Variants in AHNAK observed in about 807,000 individuals in gnomAD.
AHNAK encodes AHNAK nucleoprotein, also known as neuroblast differentiation-associated protein AHNAK.
Under a neutral mutation model 37.8 loss-of-function variants are expected in AHNAK, and 23 were observed. The ratio of observed to expected loss-of-function variants is 0.61; its 90% CI spans 0.44 to 0.86. The LOEUF is 0.86. Among genes scored for constraint, AHNAK ranks in the 40% least tolerant of loss-of-function variants. The pLI is 0.00. For synonymous variants in AHNAK, 2,481 were observed against 2,636.3 expected, an observed-to-expected ratio of 0.94 and a Z score of 1.80; for missense variants, 7,411 against 7,319.4, an observed-to-expected ratio of 1.01 and a Z score of -0.46.
intron 1 of AHNAK, among the ~76,000 whole-genome samples, chr11:62,545,250 C>G (rs187963071): frequency 3.3e-4 from 50 of 152,370 alleles, no homozygotes; most frequent in African/African-American, 1.2e-3. Context: ...ACACACATCG[C>G]ACACAACCCT....
chr11:62,520,002 G>A lies in AHNAK; in HGVS notation c.14415C>T (p.Pro4805=), dbSNP rs753932155. Residue 4805 remains proline, a synonymous_variant, in exon 5 of 5, where the codon CCC becomes CCT. Transcript: ENST00000378024. ...GEGPDVDVSL[P]KADIDVSGPK... Reference sequence around the variant, plus strand: ...GTCCCGAGACATCGATGTCGGCCTTGGGCAGGCTCACATCCACATCTGGAC... The same window carrying A: ...GTCCCGAGACATCGATGTCGGCCTTAGGCAGGCTCACATCCACATCTGGAC... 2 of 1,613,510 alleles carry A rather than the reference G, an allele frequency of 1.2e-6. No individual in the cohort carries two copies. The highest frequency in any genetic ancestry group is 1.7e-6 in the Non-Finnish European group (2 of 1,179,902).
At chr11:62,461,676 G>T (rs1938791605) in intron 5 of AHNAK, among the ~76,000 whole-genome samples, 1 of 152,178 alleles carries the variant, frequency 6.6e-6, no homozygotes, top group South Asian at 2.1e-4. Context: ...AATATGAAGA[G>T]TAGCTGTGTA....
At chr11:62,477,064 C>T (rs1939162732) in intron 5 of AHNAK, among the ~76,000 whole-genome samples, 1 of 152,154 alleles carries the variant, frequency 6.6e-6, no homozygotes, top group Non-Finnish European at 1.5e-5. Context: ...GCCTCCTCTG[C>T]CATATTCACT....
chr11:62,522,781 T>C lies in AHNAK; in HGVS notation c.11636A>G (p.Asp3879Gly). ...KAPKISMPDI[D>G]LNLKGPKVKG... ...CACTTTGGGTCCTTTCAGGTTAAGA[T>C]CAATGTCAGGCATGGAGATCTTGGG... is the stretch of plus-strand genomic sequence containing the variant. The change falls in exon 5 of 5, where the codon GAT becomes GGT. Residue 3879 changes from aspartate to glycine, a missense_variant. Asp to Gly is a moderately conservative substitution (Grantham distance 94, BLOSUM62 -1). Coordinates refer to ENST00000378024, the MANE Select transcript of AHNAK (RefSeq NM_001620.3). 1.2e-6 allele frequency: 2 copies of C among 1,613,886 alleles called. No individual in the cohort carries two copies. Among genetic ancestry groups the C allele is most frequent in the Non-Finnish European group, 1.7e-6 (2 of 1,179,990 alleles).
intron 5 of AHNAK, among the ~76,000 whole-genome samples, chr11:62,441,533 A>C (rs1181754937): frequency 1.3e-5 from 2 of 151,558 alleles, no homozygotes; most frequent in Non-Finnish European, 2.9e-5. Flanking sequence ...ATGGTGTCTC[A>C]CTCTGCCACC....
intron 5 of AHNAK, among the ~76,000 whole-genome samples, chr11:62,454,102 G>C (rs1481518919): frequency 8.4e-6 from 1 of 118,734 alleles, no homozygotes; most frequent in Non-Finnish European, 1.8e-5. Context: ...GCGAATCTCT[G>C]TCTCAAAAAA....
chr11:62,442,633 G>A (rs1211297092), intron 5 of AHNAK, among the ~76,000 whole-genome samples: 1 of 152,056 alleles, frequency 6.6e-6, no homozygotes, highest in Non-Finnish European at 1.5e-5. Flanking sequence ...CACTTTGAGA[G>A]GCCAAGGCAG....
Position 62,483,675 on chromosome 11 carries a change from G to A in AHNAK, c.442+8057C>T, listed in dbSNP as rs1213901066. Among the ~76,000 whole-genome samples, 7 of 152,014 alleles carry A rather than the reference G, an allele frequency of 4.6e-5. No homozygotes were observed. The East Asian group carries it at 9.7e-4, about 21-fold the overall frequency. On this transcript the variant is annotated intron_variant, in intron 5 of 5. Transcript: ENST00000257247. ...AGATCGAGACCATCCTGGCTAACACGGTGAAACCCTGTCTCTACTAAAAAT... is the reference window on the plus strand; with the variant it reads ...AGATCGAGACCATCCTGGCTAACACAGTGAAACCCTGTCTCTACTAAAAAT...
Position 62,521,102 on chromosome 11 carries a change from C to G in AHNAK, c.13315G>C (p.Glu4439Gln). Residue 4439 changes from glutamate to glutamine, a missense_variant, in exon 5 of 5, where the codon GAA (glutamate) becomes CAA (glutamine). Glu to Gln is a conservative substitution (Grantham distance 29, BLOSUM62 2). Transcript: ENST00000378024. Reference sequence around the variant, plus strand: ...AATTTGGGCCCCTTCAATTTTCCTTCCGGACCTTCAATATTGACATCAGGT... The same window carrying G: ...AATTTGGGCCCCTTCAATTTTCCTTGCGGACCTTCAATATTGACATCAGGT... The part of the protein sequence containing the change: ...DTPDVNIEGP[E>Q]GKLKGPKFKM... 1 of 1,614,048 alleles carries G rather than the reference C, an allele frequency of 6.2e-7. No individual in the cohort carries two copies. Among genetic ancestry groups the G allele is most frequent in the East Asian group, 2.2e-5 (1 of 44,868 alleles).
In AHNAK at chr11:62,530,287, T is replaced by A; in HGVS notation, c.4130A>T (p.Asp1377Val). Residue 1377 changes from aspartate (D) to valine (V), a missense_variant, in exon 5 of 5, where the codon GAT becomes GTT. Coordinates refer to ENST00000378024, the MANE Select transcript of AHNAK (RefSeq NM_001620.3). ...CACCTTGGGCATCTTCAGGTGCCAA[T>A]CTGGGCCATGAACATCCACATCTGG... The part of the protein sequence containing the change: ...SAPDVDVHGP[D>V]WHLKMPKVKM... The A allele has an allele frequency of 1.2e-6, 2 of 1,612,774 alleles. No individual in the cohort carries two copies. Among genetic ancestry groups the A allele is most frequent in the Non-Finnish European group, 1.7e-6 (2 of 1,179,750 alleles).
At chr11:62,444,874 A>G (rs1484699551) in intron 5 of AHNAK, among the ~76,000 whole-genome samples, 2 of 150,342 alleles carry the variant, frequency 1.3e-5, no homozygotes, top group Non-Finnish European at 3.0e-5. Flanking sequence ...TTTAGAGATG[A>G]TGAAGTGAAG....
Position 62,525,106 on chromosome 11 carries a change from T to C in AHNAK, c.9311A>G (p.Lys3104Arg), listed in dbSNP as rs563944552. ...PDIDLNLKGP[K>R]VKGDMDVSLP... is the part of the protein sequence containing the mutation. Reference sequence around the variant, plus strand: ...AGACACATCCATGTCACCCTTCACTTTGGGACCTTTCAGGTTAAGATCAAT... The same window carrying C: ...AGACACATCCATGTCACCCTTCACTCTGGGACCTTTCAGGTTAAGATCAAT... The change falls in exon 5 of 5, where the codon AAA becomes AGA. Residue 3104 changes from lysine to arginine, a missense_variant. Lys to Arg is a conservative substitution (Grantham distance 26). Coordinates refer to ENST00000378024, the MANE Select transcript of AHNAK (RefSeq NM_001620.3). The C allele has an allele frequency of 3.1e-5, 50 of 1,614,140 alleles. No homozygotes were observed. Among genetic ancestry groups the C allele is most frequent in the Non-Finnish European group, 3.9e-5 (46 of 1,180,022 alleles).
At position 62,528,254 on chromosome 11, in the gene AHNAK, T is replaced by G; in HGVS notation, c.6163A>C (p.Lys2055Gln). The change falls in exon 5 of 5, where the codon AAG becomes CAG. Residue 2055 changes from lysine to glutamine, a missense_variant. Coordinates refer to ENST00000378024, the MANE Select transcript of AHNAK (RefSeq NM_001620.3). ...GCTTTGAAGCCAGGCATGCTGAACT[T>G]GGGCATTTTCATCTTGGGCATCTTC... ...HLKMPKMKMP[K>Q]FSMPGFKAEG... 1 of 1,614,118 alleles carries G rather than the reference T, an allele frequency of 6.2e-7. No homozygotes were observed. Among genetic ancestry groups the G allele is most frequent in the Non-Finnish European group, 8.5e-7 (1 of 1,180,014 alleles).
intron 5 of AHNAK, among the ~76,000 whole-genome samples, chr11:62,465,194 A>G (rs1283471627): frequency 6.6e-6 from 1 of 152,186 alleles, no homozygotes; most frequent in Non-Finnish European, 1.5e-5. Context: ...TATCACCTAC[A>G]CACTGATGGC....
Position 62,526,587 on chromosome 11 carries a change from GC to G in AHNAK, c.7829del (p.Gly2610AlafsTer27). 6.2e-7 allele frequency: 1 copy of G among 1,613,350 alleles called. No individual in the cohort carries two copies. The highest frequency in any genetic ancestry group is 1.1e-5 in the South Asian group (1 of 91,062). On this transcript the variant is annotated frameshift_variant, in exon 5 of 5. Transcript: ENST00000378024. LOFTEE classifies it low-confidence loss of function (END_TRUNC). Reference protein sequence around the residue: ...SLPKVEGDLKGPEVDIKGPKV... With the variant: ...SLPKVEGDLKXPEVDIKGPKV... ...TGGGCCCCTTGATGTCAACTTCGGGGCCCTTGAGGTCACCTTCCACTTTGGG... is the reference window on the plus strand; with the variant it reads ...TGGGCCCCTTGATGTCAACTTCGGGGCCTTGAGGTCACCTTCCACTTTGGG...
chr11:62,526,419 G>A lies in AHNAK; in HGVS notation c.7998C>T (p.Asp2666=), dbSNP rs1374704069. 2.5e-6 allele frequency: 4 copies of A among 1,610,768 alleles called. No individual in the cohort carries two copies. Among genetic ancestry groups the A allele is most frequent in the Non-Finnish European group, 8.5e-7 (1 of 1,179,324 alleles). The change falls in exon 5 of 5, where the codon GAC becomes GAT. Residue 2666 remains aspartate, a synonymous_variant. Coordinates refer to ENST00000378024, the MANE Select transcript of AHNAK (RefSeq NM_001620.3). The part of the protein sequence containing the change: ...PDGDVKLPKA[D]IDVSGPKVDI... ...CCACTTTGGGTCCTGAGACATCAAT[G>A]TCAGCCTTGGGCAGCTTCACATCCC...
At chr11:62,463,250 T>G (rs1938831355) in intron 5 of AHNAK, among the ~76,000 whole-genome samples, 1 of 152,146 alleles carries the variant, frequency 6.6e-6, no homozygotes, top group Non-Finnish European at 1.5e-5. Context: ...CAGTGTCTTC[T>G]GTTCCAATAA....
Position 62,532,081 on chromosome 11 carries a change from TCCA to T in AHNAK, c.2333_2335del (p.Val778del). 6.2e-7 allele frequency: 1 copy of T among 1,613,204 alleles called. No homozygotes were observed. On this transcript the variant is annotated inframe_deletion, in exon 5 of 5. Transcript: ENST00000378024. ...AACATCTATCTTGGGCCCGGAAATGTCCACATCAGCCTTGGGCAGGTTCACATC... is the reference window on the plus strand; with the variant it reads ...AACATCTATCTTGGGCCCGGAAATGTCATCAGCCTTGGGCAGGTTCACATC...
At position 62,526,932 on chromosome 11, in the gene AHNAK, A is replaced by T; in HGVS notation, c.7485T>A (p.Asp2495Glu). Residue 2495 changes from aspartate to glutamate, a missense_variant, in exon 5 of 5, where the codon GAT becomes GAA. Coordinates refer to ENST00000378024, the MANE Select transcript of AHNAK (RefSeq NM_001620.3). ...PDMNIRGPKV[D>E]VNAPDVQAPD... ...GAGCTTGGACATCGGGGGCATTTAC[A>T]TCAACTTTGGGGCCCCTGATGTTCA... is the stretch of plus-strand genomic sequence containing the variant. 1 of 1,614,174 alleles carries T rather than the reference A, an allele frequency of 6.2e-7. No individual in the cohort carries two copies. The highest frequency in any genetic ancestry group is 8.5e-7 in the Non-Finnish European group (1 of 1,180,026).
Sources: allele counts gnomAD v4.1 joint callset (sites outside exome capture counted in the v4.1 genomes callset), GRCh38; gene constraint gnomAD v4.1.1; transcripts MANE v1.5; gene names NCBI Gene and HGNC (gene_info 2026-07-23, HGNC 2026-07-21).